Variants in SH3BGRL2 observed in about 807,000 individuals in gnomAD.
SH3BGRL2 encodes SH3 domain binding glutamate rich protein like 2.
Under a neutral mutation model 14.8 loss-of-function variants are expected in SH3BGRL2, and 21 were observed. That is an observed-to-expected ratio of 1.42 (90% CI 1.01 to 2.05). The LOEUF (loss-of-function observed/expected upper bound fraction) is 2.05, where lower values mean the gene tolerates loss of function less well. SH3BGRL2 is among the 30% of genes most tolerant of loss of function. The pLI is 0.00. For synonymous variants in SH3BGRL2, 50 were observed against 47.8 expected (o/e 1.05, Z -0.19); for missense variants, 147 against 130.8 (o/e 1.12, Z -0.61).
chr6:79,692,970 T>C (rs1377591209), intron 2 of SH3BGRL2, among the ~76,000 whole-genome samples: 1 of 152,196 alleles, frequency 6.6e-6, no homozygotes, highest in Non-Finnish European at 1.5e-5. Context: ...TTCACGATAT[T>C]GATTCTTCCT....
At chr6:79,620,508 G>A in the SH3BGRL2 span, among the ~76,000 whole-genome samples, 2 of 151,934 alleles carry the variant, frequency 1.3e-5, no homozygotes, top group Non-Finnish European at 2.9e-5. Context: ...ATTGGTCCTC[G>A]GAGGATAACT....
the SH3BGRL2 span, among the ~76,000 whole-genome samples, chr6:79,600,599 C>G: frequency 1.3e-5 from 2 of 152,088 alleles, no homozygotes; most frequent in Admixed American, 1.3e-4. Flanking sequence ...GGCATGGGGA[C>G]AGAGGAAGCC....
chr6:79,597,506 T>C, the SH3BGRL2 span, among the ~76,000 whole-genome samples: 2 of 152,064 alleles, frequency 1.3e-5, no homozygotes, highest in African/African-American at 4.8e-5. Flanking sequence ...TGTGCTAAGA[T>C]AATTCAACGA....
the SH3BGRL2 span, among the ~76,000 whole-genome samples, chr6:79,606,748 A>T: frequency 6.6e-6 from 1 of 152,142 alleles, no homozygotes; most frequent in Admixed American, 6.5e-5. Flanking sequence ...ATACATTAAG[A>T]TCTGGATGGA....
chr6:79,542,810 T>A, the SH3BGRL2 span, among the ~76,000 whole-genome samples: 1 of 152,186 alleles, frequency 6.6e-6, no homozygotes, highest in Admixed American at 6.5e-5. Context: ...AATGTGCTTG[T>A]TATTTTGTTT....
At chr6:79,631,184 A>G, upstream of SH3BGRL2, 1 of 358,540 alleles carries the variant, frequency 2.8e-6, no homozygotes. Flanking sequence ...AGGGGAGCTC[A>G]GTCCACCAGC....
chr6:79,607,932 C>T, the SH3BGRL2 span, among the ~76,000 whole-genome samples: 3 of 151,928 alleles, frequency 2.0e-5, no homozygotes, highest in Admixed American at 6.6e-5. Context: ...GAAGACAGAG[C>T]GAGACTCCAT....
At chr6:79,679,775 CTAA>C (rs1769954778) in intron 2 of SH3BGRL2, among the ~76,000 whole-genome samples, 1 of 152,034 alleles carries the variant, frequency 6.6e-6, no homozygotes, top group Non-Finnish European at 1.5e-5. Flanking sequence ...GGTATCTACT[CTAA>C]TGAGTGTGAG....
the SH3BGRL2 span, among the ~76,000 whole-genome samples, chr6:79,573,240 A>AT: frequency 0.11 from 16,237 of 152,090 alleles, 978 homozygotes; most frequent in Non-Finnish European, 0.13. Flanking sequence ...AGCAGTATTT[A>AT]TTAAATGGTT....
chr6:79,578,872 C>A, the SH3BGRL2 span, among the ~76,000 whole-genome samples: 1 of 152,078 alleles, frequency 6.6e-6, no homozygotes, highest in Non-Finnish European at 1.5e-5. Flanking sequence ...GGAGGATGTT[C>A]AAACCCATTG....
chr6:79,678,435 T>TTCA (rs1316477531), intron 2 of SH3BGRL2, among the ~76,000 whole-genome samples: 1 of 152,198 alleles, frequency 6.6e-6, no homozygotes, highest in Non-Finnish European at 1.5e-5. Flanking sequence ...ATCTTCAAGG[T>TTCA]TCATCCATGT....
intron 2 of SH3BGRL2, among the ~76,000 whole-genome samples, chr6:79,687,930 C>T (rs926483175): frequency 1.3e-5 from 2 of 152,174 alleles, no homozygotes; most frequent in African/African-American, 2.4e-5. Context: ...GGAAGCAATA[C>T]AGCTTATCAG....
At chr6:79,648,255 C>CACATATATATATAT (rs1769182532) in intron 1 of SH3BGRL2, among the ~76,000 whole-genome samples, 1 of 62,472 alleles carries the variant, frequency 1.6e-5, no homozygotes, top group Non-Finnish European at 2.9e-5. Flanking sequence ...ATTCTTTTGG[C>CACATATATATATAT]ATATATATAT....
chr6:79,619,647 GA>G, the SH3BGRL2 span, among the ~76,000 whole-genome samples: 17 of 152,302 alleles, frequency 1.1e-4, no homozygotes, highest in Admixed American at 9.8e-4. Context: ...TGCAGGAGAT[GA>G]AGATAAGCAG....
At chr6:79,593,204 G>A in the SH3BGRL2 span, among the ~76,000 whole-genome samples, 1 of 152,108 alleles carries the variant, frequency 6.6e-6, no homozygotes, top group Non-Finnish European at 1.5e-5. Context: ...AGGCAGTGGG[G>A]TGGACTACAG....
At chr6:79,562,083 C>T in the SH3BGRL2 span, among the ~76,000 whole-genome samples, 1 of 152,118 alleles carries the variant, frequency 6.6e-6, no homozygotes, top group African/African-American at 2.4e-5. Context: ...CCTATCTCTA[C>T]AACAATATAT....
the SH3BGRL2 span, among the ~76,000 whole-genome samples, chr6:79,539,842 T>G: frequency 2.0e-5 from 3 of 152,202 alleles, no homozygotes; most frequent in Non-Finnish European, 2.9e-5. Context: ...ATATAGTATC[T>G]TGGAAAGCAC....
At chr6:79,667,141 C>T (rs1769676530) in intron 1 of SH3BGRL2, among the ~76,000 whole-genome samples, 1 of 152,172 alleles carries the variant, frequency 6.6e-6, no homozygotes. Flanking sequence ...TGGGCAGCCC[C>T]CTGAACCAGC....
At chr6:79,546,260 A>AG in the SH3BGRL2 span, among the ~76,000 whole-genome samples, 2 of 152,176 alleles carry the variant, frequency 1.3e-5, no homozygotes, top group Admixed American at 1.3e-4. Context: ...TAATACAAAT[A>AG]GGGGGGTAAA....
Sources: gnomAD v4.1 joint callset for allele counts (sites outside exome capture counted in the v4.1 genomes callset) on GRCh38, gnomAD v4.1.1 for gene constraint, MANE v1.5 for transcripts, NCBI Gene and HGNC (gene_info 2026-07-23, HGNC 2026-07-21) for gene names.